The following CHCHD3 variants were observed in gnomAD, a reference collection of about 807,000 sequenced individuals.
The protein encoded by CHCHD3 is coiled-coil-helix-coiled-coil-helix domain containing 3.
A neutral mutation model predicts 38.2 loss-of-function variants in CHCHD3; 20 were observed. The ratio of observed to expected loss-of-function variants is 0.52; its 90% CI spans 0.37 to 0.76. The LOEUF (loss-of-function observed/expected upper bound fraction) is 0.76. CHCHD3 is among the 30% of genes least tolerant of loss of function. The pLI, the probability that CHCHD3 is intolerant of heterozygous loss-of-function variation, is 0.00. For missense variants in CHCHD3, 245 were observed against 279.2 expected (o/e 0.88, Z 0.87); for synonymous variants, 82 against 100.0 (o/e 0.82, Z 1.07).
At chr7:133,007,164 A>G (rs1812722335) in intron 3 of CHCHD3, among the ~76,000 whole-genome samples, 1 of 152,164 alleles carries the variant, frequency 6.6e-6, no homozygotes, top group Admixed American at 6.5e-5. Context: ...TTTGATCTAT[A>G]TTGATAGGTA....
At chr7:132,807,345 G>C (rs1435414910) in intron 6 of CHCHD3, among the ~76,000 whole-genome samples, 3 of 152,074 alleles carry the variant, frequency 2.0e-5, no homozygotes, top group African/African-American at 7.2e-5. Context: ...TATAAGGTAA[G>C]TATATCTAAG....
At chr7:132,962,583 A>G (rs180917225) in intron 4 of CHCHD3, among the ~76,000 whole-genome samples, 8 of 152,340 alleles carry the variant, frequency 5.3e-5, no homozygotes, top group Admixed American at 5.2e-4. Flanking sequence ...ATTCTCTAAC[A>G]GTTTTTAATG....
chr7:132,989,555 G>C (rs1303415107), intron 3 of CHCHD3, among the ~76,000 whole-genome samples: 1 of 152,072 alleles, frequency 6.6e-6, no homozygotes, highest in Non-Finnish European at 1.5e-5. Flanking sequence ...CCCTATTTCA[G>C]TTCTCATTTG....
At chr7:132,896,555 A>G (rs1311752857) in intron 4 of CHCHD3, among the ~76,000 whole-genome samples, 1 of 152,212 alleles carries the variant, frequency 6.6e-6, no homozygotes. Flanking sequence ...ATTTAAAACA[A>G]GAACACTCGT....
At chr7:132,819,867 C>T (rs1202661439) in intron 6 of CHCHD3, among the ~76,000 whole-genome samples, 1 of 152,136 alleles carries the variant, frequency 6.6e-6, no homozygotes, top group African/African-American at 2.4e-5. Context: ...CGGGCCAAAG[C>T]GTGAGTGCGG....
intron 4 of CHCHD3, among the ~76,000 whole-genome samples, chr7:132,909,288 G>A (rs1809878908): frequency 6.6e-6 from 1 of 152,108 alleles, no homozygotes; most frequent in Non-Finnish European, 1.5e-5. Flanking sequence ...GAGGTCAGGA[G>A]CTCGAGACCA....
At chr7:132,898,419 A>G (rs2117197430) in intron 4 of CHCHD3, among the ~76,000 whole-genome samples, 1 of 152,266 alleles carries the variant, frequency 6.6e-6, no homozygotes, top group South Asian at 2.1e-4. Flanking sequence ...TGTGGACACA[A>G]AGGTTCTCCA....
chr7:133,078,466 G>A (rs190976496), intron 1 of CHCHD3, among the ~76,000 whole-genome samples: 38 of 152,236 alleles, frequency 2.5e-4, no homozygotes, highest in African/African-American at 8.9e-4. Flanking sequence ...GAGCCCAGGA[G>A]TTGAGACCAG....
intron 6 of CHCHD3, among the ~76,000 whole-genome samples, chr7:132,810,172 G>A (rs1317267879): frequency 1.3e-5 from 2 of 152,292 alleles, no homozygotes; most frequent in East Asian, 1.9e-4. Context: ...GAAAATAAGT[G>A]CAGCATGCAT....
intron 4 of CHCHD3, among the ~76,000 whole-genome samples, chr7:132,907,424 A>C (rs986607332): frequency 6.6e-6 from 1 of 152,166 alleles, no homozygotes. Context: ...AAAATAAAGG[A>C]TTTCATCAAC....
intron 4 of CHCHD3, among the ~76,000 whole-genome samples, chr7:132,888,565 G>A (rs1256007269): frequency 6.6e-6 from 1 of 151,682 alleles, no homozygotes; most frequent in Non-Finnish European, 1.5e-5. Context: ...TCACTTCCAG[G>A]CATTCAATCC....
chr7:132,985,216 C>T (rs1453970963), intron 3 of CHCHD3, among the ~76,000 whole-genome samples: 4 of 79,778 alleles, frequency 5.0e-5, no homozygotes, highest in Admixed American at 2.8e-4. Flanking sequence ...GTTAGCCCCC[C>T]GCCCGGCCAG....
At chr7:132,880,176 A>G (rs1320635264) in intron 5 of CHCHD3, among the ~76,000 whole-genome samples, 3 of 152,212 alleles carry the variant, frequency 2.0e-5, no homozygotes, top group Non-Finnish European at 4.4e-5. Context: ...AACATCTTCA[A>G]GTTGGTACTA....
intron 1 of CHCHD3, among the ~76,000 whole-genome samples, chr7:133,076,058 CAAA>C (rs58754100): frequency 0.029 from 1,852 of 63,684 alleles, 47 homozygotes; most frequent in African/African-American, 0.1. Flanking sequence ...GATTCTATCT[CAAA>C]AAAAAAAAAA....
At chr7:132,992,230 CA>C (rs1410533109) in intron 3 of CHCHD3, among the ~76,000 whole-genome samples, 1 of 152,158 alleles carries the variant, frequency 6.6e-6, no homozygotes, top group Non-Finnish European at 1.5e-5. Flanking sequence ...GTTGAGTCTG[CA>C]CTTTGTTCAA....
intron 6 of CHCHD3, among the ~76,000 whole-genome samples, chr7:132,799,891 CGCCCTCCCTTTG>C (rs1806743317): frequency 6.6e-6 from 1 of 152,114 alleles, no homozygotes; most frequent in African/African-American, 2.4e-5. Flanking sequence ...ACTAGCAGCC[CGCCCTCCCTTTG>C]GCCCTCCCTA....
Position 133,035,861 on chromosome 7 carries a change from G to A in CHCHD3, c.170-11234C>T, listed in dbSNP as rs752409873. On this transcript the variant is annotated intron_variant, in intron 2 of 7. Transcript: ENST00000262570. The surrounding 1 kb of genome is among the most constrained non-coding windows in gnomAD (Gnocchi z 4.7). ...TCTGAGCCCCGCTGTACTGAGCAGC[G>A]ATGAGAGCCTTGAAGGCCCTCCAGT... 9.3e-6 allele frequency: 15 copies of A among 1,612,998 alleles called. No individual in the cohort carries two copies. Among genetic ancestry groups the A allele is most frequent in the Admixed American group, 3.3e-5 (2 of 59,996 alleles).
intron 5 of CHCHD3, among the ~76,000 whole-genome samples, chr7:132,884,561 A>G (rs1358167044): frequency 1.3e-5 from 2 of 152,180 alleles, no homozygotes; most frequent in Non-Finnish European, 2.9e-5. Flanking sequence ...CACATTTAAC[A>G]TATACATAAC....
At position 133,029,102 on chromosome 7, in the gene CHCHD3, C is replaced by T. The variant is rs776787025; in HGVS notation, c.170-4475G>A. ...TTTCCTTATAAATTACCCAGTTTTACGTATTCTGTTATAAGCAACAGAAAA... is the reference window on the plus strand; with the variant it reads ...TTTCCTTATAAATTACCCAGTTTTATGTATTCTGTTATAAGCAACAGAAAA... On this transcript the variant is annotated intron_variant, in intron 2 of 7. Transcript: ENST00000262570. 4.6e-5 allele frequency among the ~76,000 whole-genome samples: 7 copies of T among 152,014 alleles called. No individual in the cohort carries two copies. The East Asian group carries it at 5.8e-4, about 13-fold the overall frequency.
Sources: allele counts gnomAD v4.1 joint callset (sites outside exome capture counted in the v4.1 genomes callset), GRCh38; gene constraint gnomAD v4.1.1; non-coding constraint Gnocchi (gnomAD v3.1); transcripts MANE v1.5; gene names NCBI Gene and HGNC (gene_info 2026-07-23, HGNC 2026-07-21).